SLC13A3: variants seen among roughly 807,000 people sequenced by gnomAD.
The protein encoded by SLC13A3 is Na(+)/dicarboxylate cotransporter 3.
Under a neutral mutation model 59.0 loss-of-function variants are expected in SLC13A3, and 40 were observed. The observed-to-expected ratio is 0.68, with a 90% CI of 0.53 to 0.88. SLC13A3 has a LOEUF of 0.88. Ranked by LOEUF, SLC13A3 falls within the 40% of genes least tolerant of loss-of-function variation. SLC13A3 has a pLI of 0.00. For synonymous variants in SLC13A3, 317 were observed against 330.3 expected (o/e 0.96, Z 0.44); for missense variants, 699 against 783.2 (o/e 0.89, Z 1.28).
At position 46,651,306 on chromosome 20, in the gene SLC13A3, G is replaced by C; in HGVS notation, c.111+5C>G. On this transcript the variant is annotated splice_donor_5th_base_variant and intron_variant, in intron 1 of 12. Transcript: ENST00000279027. ...CCGGGGGCGCACAGGCGGAGGAGGC[G>C]TTACCTTGGGCGGGAGGGCGAAGAC... The C allele has an allele frequency of 4.7e-6, 7 of 1,494,870 alleles. No homozygotes were observed. Among genetic ancestry groups the C allele is most frequent in the Non-Finnish European group, 6.2e-6 (7 of 1,123,782 alleles). 92.6% of individuals were successfully genotyped at this position (1,494,870 alleles called of 1,614,324 possible).
intron 1 of SLC13A3, among the ~76,000 whole-genome samples, chr20:46,634,522 C>T (rs1182145481): frequency 6.6e-6 from 1 of 152,148 alleles, no homozygotes; most frequent in African/African-American, 2.4e-5. Flanking sequence ...GATGCCTGAG[C>T]CCCGCCCCCA....
At chr20:46,582,780 T>C (rs2062151204) in intron 9 of SLC13A3, 1 of 985,270 alleles carries the variant, frequency 1.0e-6, no homozygotes, top group Non-Finnish European at 1.2e-6. Flanking sequence ...ATAGTCCCTA[T>C]TTCCTGACTC....
intron 1 of SLC13A3, among the ~76,000 whole-genome samples, chr20:46,635,743 T>C (rs189156322): frequency 1.3e-5 from 2 of 152,072 alleles, no homozygotes; most frequent in African/African-American, 4.8e-5. Context: ...CAGAATGAGA[T>C]AGGAGGTCAG....
chr20:46,586,453 TC>T (rs1179105002), intron 8 of SLC13A3, among the ~76,000 whole-genome samples: 2 of 152,156 alleles, frequency 1.3e-5, no homozygotes, highest in African/African-American at 4.8e-5. Context: ...TTAAACACTT[TC>T]CATAGCTGAG....
intron 1 of SLC13A3, among the ~76,000 whole-genome samples, chr20:46,631,918 A>G (rs1320884648): frequency 1.3e-5 from 2 of 152,194 alleles, no homozygotes; most frequent in African/African-American, 4.8e-5. Context: ...AAAGGAAAGA[A>G]AGAGAAGTGG....
intron 1 of SLC13A3, among the ~76,000 whole-genome samples, chr20:46,666,957 A>G (rs528462743): frequency 1.3e-5 from 2 of 152,124 alleles, no homozygotes; most frequent in African/African-American, 4.8e-5. Flanking sequence ...AATTCCAAAA[A>G]TTTGAGGCCA....
chr20:46,596,376 T>C (rs2062313377), intron 4 of SLC13A3, 34 bp from the exon 5 acceptor site: 1 of 1,601,848 alleles, frequency 6.2e-7, no homozygotes, highest in South Asian at 1.1e-5. Context: ...CCATTCAGAA[T>C]ACATGGAGAA....
intron 1 of SLC13A3, among the ~76,000 whole-genome samples, chr20:46,663,119 G>A (rs150235904): frequency 2.0e-5 from 3 of 151,732 alleles, no homozygotes; most frequent in East Asian, 3.9e-4. Context: ...AGATATCATC[G>A]CTGTTTTAAA....
chr20:46,575,649 T>G lies in SLC13A3; in HGVS notation c.1256A>C (p.Lys419Thr). 1 of 1,603,708 alleles carries G rather than the reference T, an allele frequency of 6.2e-7. No homozygotes were observed. The highest frequency in any genetic ancestry group is 8.5e-7 in the Non-Finnish European group (1 of 1,174,950). ...CCAGGGCACTGTCTCCTGGGCCTTC[T>G]TCCAGGTCAGCAAGGGCTCTGTCTC... The part of the protein sequence containing the change: ...NTETEPLLTW[K>T]KAQETVPWNI... Residue 419 changes from lysine (K) to threonine (T), a missense_variant, in exon 10 of 13, where the codon AAG becomes ACG. Physicochemically the swap from Lys to Thr is moderately conservative, Grantham distance 78. Transcript: ENST00000279027.
chr20:46,635,470 T>C (rs975178512), intron 1 of SLC13A3, among the ~76,000 whole-genome samples: 5 of 152,202 alleles, frequency 3.3e-5, no homozygotes, highest in South Asian at 2.1e-4. Context: ...CTTCACCTTC[T>C]TCAGGTCTTT....
intron 1 of SLC13A3, among the ~76,000 whole-genome samples, chr20:46,644,345 A>G (rs1353282824): frequency 6.6e-6 from 1 of 152,174 alleles, no homozygotes; most frequent in Non-Finnish European, 1.5e-5. Context: ...AGGTTGAACG[A>G]TGATTAGACC....
intron 9 of SLC13A3, among the ~76,000 whole-genome samples, chr20:46,582,377 C>T (rs1277698339): frequency 1.3e-5 from 2 of 151,910 alleles, no homozygotes; most frequent in African/African-American, 2.4e-5. Flanking sequence ...ATCCACCCGC[C>T]TCAGCCTCCC....
chr20:46,673,410 C>G (rs1030041413), upstream of SLC13A3, among the ~76,000 whole-genome samples: 43 of 152,212 alleles, frequency 2.8e-4, no homozygotes, highest in African/African-American at 1.0e-3. Context: ...ACCCTTCCCC[C>G]ATTCCCTTCC....
At position 46,602,917 on chromosome 20, in the gene SLC13A3, G is replaced by A. The variant is rs373540984; in HGVS notation, c.542-2880C>T. Among the ~76,000 whole-genome samples, 103 of 152,224 alleles carry A rather than the reference G, an allele frequency of 6.8e-4. 1 individual carries two copies. In the South Asian group the frequency reaches 0.019, roughly 27 times the overall value. The stretch of plus-strand genomic sequence containing the variant: ...TCTACTGCCAGGTGTGGTGACTCAC[G>A]CCTGTAATCCCAGCACTTTGGGAAG... On this transcript the variant is annotated intron_variant, in intron 3 of 12. Coordinates refer to ENST00000279027, the MANE Select transcript of SLC13A3 (RefSeq NM_022829.6).
rs2062062633 is a variant in SLC13A3 at position 46,575,142 on chromosome 20, A to AT, written c.1332+430_1332+431insA. Among the ~76,000 whole-genome samples, 3 of 152,128 alleles carry AT rather than the reference A, an allele frequency of 2.0e-5. No homozygotes were observed. In the East Asian group the frequency reaches 5.8e-4, roughly 30 times the overall value. On this transcript the variant is annotated intron_variant, in intron 10 of 12. Transcript: ENST00000279027. ...GGTGACAGAGTGAAACTCTGTCTCA[A>AT]AAAAAGAGAGAGAAAAAAAGAGAGA...
chr20:46,605,046 C>T (rs1305001465), intron 3 of SLC13A3, among the ~76,000 whole-genome samples: 2 of 152,094 alleles, frequency 1.3e-5, no homozygotes, highest in Admixed American at 6.5e-5. Context: ...CCACAGCCCT[C>T]GCCTGGCCCC....
chr20:46,623,730 G>A (rs1409575618), intron 1 of SLC13A3, among the ~76,000 whole-genome samples: 2 of 152,068 alleles, frequency 1.3e-5, no homozygotes, highest in Non-Finnish European at 2.9e-5. Context: ...AAAGTATAAC[G>A]ATCGCTAGCA....
At chr20:46,619,021 T>C (rs2062589386) in intron 1 of SLC13A3, among the ~76,000 whole-genome samples, 1 of 152,212 alleles carries the variant, frequency 6.6e-6, no homozygotes, top group African/African-American at 2.4e-5. Context: ...AACCTCTTCA[T>C]TGGCACACTT....
chr20:46,680,027 T>G (rs919548058), intron 1 of SLC13A3, among the ~76,000 whole-genome samples: 1 of 152,162 alleles, frequency 6.6e-6, no homozygotes, highest in Non-Finnish European at 1.5e-5. Flanking sequence ...TACTCCCCCA[T>G]CTGTAAAATG....
Sources: allele counts gnomAD v4.1 joint callset (sites outside exome capture counted in the v4.1 genomes callset), GRCh38; gene constraint gnomAD v4.1.1; transcripts MANE v1.5; gene names NCBI Gene and HGNC (gene_info 2026-07-23, HGNC 2026-07-21).